The following MMP24 variants were observed in gnomAD, a reference collection of about 807,000 sequenced individuals.
MMP24 encodes the protein matrix metallopeptidase 24.
In MMP24, 25 loss-of-function variants were observed where a neutral mutation model predicts 62.8. That is an observed-to-expected ratio of 0.40 (90% CI 0.29 to 0.56). MMP24 has a LOEUF of 0.56. Among genes scored for constraint, MMP24 ranks in the 20% least tolerant of loss-of-function variants. The pLI is 0.50. For synonymous variants in MMP24, 319 were observed against 350.5 expected (o/e 0.91, Z 1.00); for missense variants, 634 against 853.6 (o/e 0.74, Z 3.21).
intron 1 of MMP24, among the ~76,000 whole-genome samples, chr20:35,238,366 C>T (rs2060473473): frequency 6.6e-6 from 1 of 152,072 alleles, no homozygotes; most frequent in Non-Finnish European, 1.5e-5. Context: ...GGTTACAATA[C>T]AGTGTGGTAA....
chr20:35,250,287 C>CA (rs1568614059), intron 2 of MMP24, among the ~76,000 whole-genome samples: 1 of 152,142 alleles, frequency 6.6e-6, no homozygotes, highest in South Asian at 2.1e-4. Context: ...GTGCTGGGCG[C>CA]AGTGGCTCAT....
At chr20:35,265,441 CAA>C (rs11482676) in intron 5 of MMP24, among the ~76,000 whole-genome samples, 6 of 125,908 alleles carry the variant, frequency 4.8e-5, no homozygotes, top group Admixed American at 8.3e-5. Flanking sequence ...GACTCCGTCT[CAA>C]AAAAAAAAAA....
intron 1 of MMP24, among the ~76,000 whole-genome samples, chr20:35,227,548 A>G (rs952126100): frequency 6.6e-6 from 1 of 151,898 alleles, no homozygotes; most frequent in Non-Finnish European, 1.5e-5. Context: ...TATAGGAAGA[A>G]GTTTGTAACA....
At chr20:35,267,492 G>A (rs1469736133) in intron 6 of MMP24, 73 bp downstream of exon 6, 1 of 1,431,528 alleles carries the variant, frequency 7.0e-7, no homozygotes, top group African/African-American at 1.4e-5. Flanking sequence ...CATGGAGCTG[G>A]GGAAGGCTCC....
Position 35,275,078 on chromosome 20 carries a change from C to A in MMP24, c.*469C>A. ...CCTGCTGGTCAGATGTCCCCCTACC[C>A]CCACCCCACTGTCCTCCAAGGCTAC... is the stretch of plus-strand genomic sequence containing the variant. On this transcript the variant is annotated 3_prime_UTR_variant, in exon 9 of 9. Coordinates refer to ENST00000246186, the MANE Select transcript of MMP24 (RefSeq NM_006690.4). The A allele has an allele frequency of 6.1e-6, 1 of 165,182 alleles. No homozygotes were observed. The highest frequency in any genetic ancestry group is 1.3e-5 in the Non-Finnish European group (1 of 74,398). 10.2% of individuals were successfully genotyped at this position (165,182 alleles called of 1,614,324 possible).
rs1056749848 is a variant in MMP24 at position 35,276,110 on chromosome 20, G to A, written c.*1501G>A. 1 of 398,676 alleles carries A rather than the reference G, an allele frequency of 2.5e-6. No homozygotes were observed. The highest frequency in any genetic ancestry group is 4.4e-6 in the Non-Finnish European group (1 of 226,116). 24.7% of individuals were successfully genotyped at this position (398,676 alleles called of 1,614,324 possible). On this transcript the variant is annotated 3_prime_UTR_variant, in exon 9 of 9. Coordinates refer to ENST00000246186, the MANE Select transcript of MMP24 (RefSeq NM_006690.4). ...CACCCCTGCTCACTGAGCCTGCATG[G>A]GCCTTGCCCCCGACCCTGTGGTCTC...
chr20:35,252,774 G>C (rs945802475), intron 3 of MMP24, among the ~76,000 whole-genome samples: 2 of 151,708 alleles, frequency 1.3e-5, no homozygotes, highest in African/African-American at 2.4e-5. Context: ...GCCAGGCATT[G>C]AGCAGGCTCA....
chr20:35,226,798 G>A lies in MMP24; in HGVS notation c.60G>A (p.Pro20=), dbSNP rs2060414938. The A allele has an allele frequency of 7.3e-6, 6 of 821,906 alleles. No individual in the cohort carries two copies. The highest frequency in any genetic ancestry group is 8.0e-6 in the Non-Finnish European group (6 of 748,016). The allele number at this position is 821,906 out of a possible 1,614,324, so 50.9% of individuals were successfully genotyped here. The part of the protein sequence containing the change: ...APGPPPPPPP[P]GQAPRWSRWR... ...GGCCGCCGCCGCCGCCGCCGCCGCCGGGCCAGGCCCCGCGCTGGAGCCGCT... is the reference window on the plus strand; with the variant it reads ...GGCCGCCGCCGCCGCCGCCGCCGCCAGGCCAGGCCCCGCGCTGGAGCCGCT... The change falls in exon 1 of 9, where the codon CCG becomes CCA. Residue 20 remains proline, a synonymous_variant. Coordinates refer to ENST00000246186, the MANE Select transcript of MMP24 (RefSeq NM_006690.4).
rs569229674 is a variant in MMP24, at chr20:35,266,975, C to T, written c.980-230C>T. The stretch of plus-strand genomic sequence containing the variant: ...AAGGAAGGACATGATTGCTCTGTAA[C>T]AGGAGAGAGAAAAGAGAAGATACCA... On this transcript the variant is annotated intron_variant, in intron 5 of 8. Transcript: ENST00000246186. Among the ~76,000 whole-genome samples, 78 of 151,960 alleles carry T rather than the reference C, an allele frequency of 5.1e-4. 1 individual carries two copies. The highest frequency in any genetic ancestry group is 1.7e-3 in the African/African-American group (72 of 41,398).
At chr20:35,251,285 A>ATT (rs561724986) in intron 2 of MMP24, among the ~76,000 whole-genome samples, 2 of 146,974 alleles carry the variant, frequency 1.4e-5, no homozygotes, top group African/African-American at 2.5e-5. Context: ...CAGCTGGCTA[A>ATT]TTTTTTTTTT....
intron 2 of MMP24, among the ~76,000 whole-genome samples, chr20:35,250,547 A>G (rs2060539532): frequency 6.6e-6 from 1 of 151,204 alleles, no homozygotes; most frequent in Non-Finnish European, 1.5e-5. Flanking sequence ...TGGGCAACAG[A>G]GCGAGACTCT....
chr20:35,238,550 A>G (rs1365426721), intron 1 of MMP24, among the ~76,000 whole-genome samples: 1 of 152,190 alleles, frequency 6.6e-6, no homozygotes, highest in Non-Finnish European at 1.5e-5. Context: ...ACAGAGCACT[A>G]GGTGGGGAAA....
chr20:35,243,087 A>G (rs73616646), intron 1 of MMP24, among the ~76,000 whole-genome samples: 2 of 152,164 alleles, frequency 1.3e-5, no homozygotes, highest in East Asian at 3.9e-4. Context: ...GCTGAGGCAG[A>G]AGAATCACTT....
chr20:35,271,066 AGAG>A lies in MMP24; in HGVS notation c.1334-499_1334-497del, dbSNP rs201805633. 0.026 allele frequency among the ~76,000 whole-genome samples: 3,940 copies of A among 152,144 alleles called. 100 individuals carry two copies. The highest frequency in any genetic ancestry group is 0.065 in the African/African-American group (2,682 of 41,482). ...AAAAAAAAGAAGTGGCTGAATACTG[AGAG>A]GAGAAGGAAAGAGAGGGTCAACAGT... On this transcript the variant is annotated intron_variant, in intron 7 of 8. Coordinates refer to ENST00000246186, the MANE Select transcript of MMP24 (RefSeq NM_006690.4). This position sits in a 1 kb window ranked among gnomAD's most constrained non-coding sequence, Gnocchi z 4.0.
In MMP24 at chr20:35,274,372, G is replaced by T; in HGVS notation, c.1701G>T (p.Met567Ile). The change falls in exon 9 of 9, where the codon ATG becomes ATT. Residue 567 changes from methionine to isoleucine, a missense_variant. Physicochemically the swap from Met to Ile is conservative, Grantham distance 10. Around this residue, in one of 3 missense-constraint regions of MMP24, gnomAD observed 399 missense variants for 530.8 expected, o/e 0.75. Transcript: ENST00000246186. The surrounding 1 kb of genome is among the most constrained non-coding windows in gnomAD (Gnocchi z 5.1). ...GYPRNILRDW[M>I]GCNQKEVERR... ...CGCGCAACATCCTGCGTGACTGGAT[G>T]GGCTGCAACCAGAAGGAGGTGGAGC... The T allele has an allele frequency of 6.2e-7, 1 of 1,613,974 alleles. No individual in the cohort carries two copies. Among genetic ancestry groups the T allele is most frequent in the Non-Finnish European group, 8.5e-7 (1 of 1,179,890 alleles).
At chr20:35,264,052 C>A in intron 5 of MMP24, 100 bp downstream of exon 5, 2 of 1,271,638 alleles carry the variant, frequency 1.6e-6, no homozygotes, top group Non-Finnish European at 2.1e-6. Flanking sequence ...ACGTTGCTAT[C>A]ATCAGCACTG....
intron 4 of MMP24, among the ~76,000 whole-genome samples, chr20:35,255,524 T>C (rs1264419244): frequency 6.6e-6 from 1 of 152,116 alleles, no homozygotes; most frequent in African/African-American, 2.4e-5. Context: ...CCTGCACCAC[T>C]ATGGTTCAAT....
At chr20:35,251,405 G>T (rs749896935) in intron 2 of MMP24, among the ~76,000 whole-genome samples, 1 of 152,134 alleles carries the variant, frequency 6.6e-6, no homozygotes. Flanking sequence ...GATTACAGGC[G>T]TGAGCCACCG....
intron 2 of MMP24, among the ~76,000 whole-genome samples, chr20:35,248,968 C>T (rs1252134543): frequency 2.0e-5 from 3 of 152,086 alleles, no homozygotes; most frequent in Non-Finnish European, 4.4e-5. Flanking sequence ...CAGAGAGTGG[C>T]AGGTGGATGG....
Sources: allele counts gnomAD v4.1 joint callset (sites outside exome capture counted in the v4.1 genomes callset), GRCh38; gene constraint gnomAD v4.1.1; regional missense constraint gnomAD v4.1.1; non-coding constraint Gnocchi (gnomAD v3.1); transcripts MANE v1.5; gene names NCBI Gene and HGNC (gene_info 2026-07-23, HGNC 2026-07-21).